The following CBFA2T3 variants were observed in gnomAD, a reference collection of about 807,000 sequenced individuals.
CBFA2T3 encodes transcriptional corepressor CBFA2T3.
CBFA2T3 carries 31 observed loss-of-function variants against 58.6 expected under a neutral mutation model. That is an observed-to-expected ratio of 0.53 (90% CI 0.40 to 0.71). CBFA2T3 has a LOEUF of 0.71. Among genes scored for constraint, CBFA2T3 ranks in the 30% least tolerant of loss-of-function variants. CBFA2T3 has a pLI of 0.00. For synonymous variants in CBFA2T3, 531 were observed against 421.9 expected, an observed-to-expected ratio of 1.26 and a Z score of -3.17; for missense variants, 1,076 against 963.1, an observed-to-expected ratio of 1.12 and a Z score of -1.55.
chr16:88,950,267 C>T, intron 1 of CBFA2T3: 3 of 424,332 alleles, frequency 7.1e-6, no homozygotes, highest in South Asian at 5.1e-5. Context: ...GTCTGTTCAC[C>T]CGTCCCCTGG....
Position 88,911,883 on chromosome 16 carries a change from C to T in CBFA2T3, c.152-10227G>A, listed in dbSNP as rs938142774. ...CTCTGGGGCACAGTGAAGACCCCCC[C>T]TCCTGCCTCGCAGCTGTGTGGGGGA... On this transcript the variant is annotated intron_variant, in intron 1 of 11. Coordinates refer to ENST00000268679, the MANE Select transcript of CBFA2T3 (RefSeq NM_005187.6). 4.6e-5 allele frequency among the ~76,000 whole-genome samples: 7 copies of T among 152,342 alleles called. No individual in the cohort carries two copies. In the Middle Eastern group the frequency reaches 0.01, roughly 222 times the overall value.
intron 1 of CBFA2T3, among the ~76,000 whole-genome samples, chr16:88,973,838 C>T (rs890111113): frequency 1.3e-5 from 2 of 152,140 alleles, no homozygotes; most frequent in Non-Finnish European, 2.9e-5. Flanking sequence ...GCTTCCTGCA[C>T]GGATGGTGCC....
intron 1 of CBFA2T3, among the ~76,000 whole-genome samples, chr16:88,932,309 G>C (rs939351711): frequency 1.3e-5 from 2 of 150,916 alleles, no homozygotes; most frequent in Non-Finnish European, 2.9e-5. Flanking sequence ...CCAGGAAAGA[G>C]GCCGCCCTGG....
chr16:88,889,835 C>A (rs1454718074), intron 5 of CBFA2T3, among the ~76,000 whole-genome samples: 3 of 145,738 alleles, frequency 2.1e-5, no homozygotes, highest in Non-Finnish European at 4.6e-5. Flanking sequence ...GGACGATGCC[C>A]CGCGATTCCT....
At chr16:88,923,851 C>T (rs1048166497) in intron 1 of CBFA2T3, among the ~76,000 whole-genome samples, 5 of 152,370 alleles carry the variant, frequency 3.3e-5, no homozygotes, top group African/African-American at 1.2e-4. Context: ...ACCGTCCTCT[C>T]TCAAAGGTGG....
At chr16:88,951,128 G>A (rs202185012) in intron 1 of CBFA2T3, 6 of 360,190 alleles carry the variant, frequency 1.7e-5, no homozygotes, top group South Asian at 5.6e-5. Context: ...CCTGTCTTCC[G>A]GATCTGTTCA....
intron 1 of CBFA2T3, among the ~76,000 whole-genome samples, chr16:88,973,134 C>T (rs80211567): frequency 0.012 from 1,799 of 152,380 alleles, 45 homozygotes; most frequent in African/African-American, 0.042. Flanking sequence ...CCTCCCACCG[C>T]GCCCCCTTGA....
At chr16:88,920,975 TTC>T (rs1684749784) in intron 1 of CBFA2T3, among the ~76,000 whole-genome samples, 3 of 152,232 alleles carry the variant, frequency 2.0e-5, no homozygotes, top group African/African-American at 7.2e-5. Context: ...AACACATCCT[TTC>T]TCTGAGTTTA....
At chr16:88,937,281 G>T (rs1263895561) in intron 1 of CBFA2T3, 4 of 152,274 alleles carry the variant, frequency 2.6e-5, no homozygotes, top group African/African-American at 9.6e-5. Context: ...CGAGGTGGAC[G>T]AACAGCGTGG....
At chr16:88,893,497 C>T (rs778984889) in intron 3 of CBFA2T3, among the ~76,000 whole-genome samples, 9 of 152,230 alleles carry the variant, frequency 5.9e-5, no homozygotes, top group Non-Finnish European at 1.2e-4. Flanking sequence ...AGCCCCAACG[C>T]CTGCTAATGG....
chr16:88,911,696 C>T (rs574217371), intron 1 of CBFA2T3, among the ~76,000 whole-genome samples: 74 of 152,406 alleles, frequency 4.9e-4, no homozygotes, highest in African/African-American at 1.6e-3. Context: ...AGCGCCTGGC[C>T]GCTCGCCCTG....
At chr16:88,912,142 C>T (rs1202517321) in intron 1 of CBFA2T3, among the ~76,000 whole-genome samples, 2 of 152,264 alleles carry the variant, frequency 1.3e-5, no homozygotes, top group African/African-American at 4.8e-5. Flanking sequence ...AGGCTGGGCC[C>T]ACCCGCGCCT....
intron 1 of CBFA2T3, among the ~76,000 whole-genome samples, chr16:88,964,646 T>A (rs918535591): frequency 1.3e-5 from 2 of 152,214 alleles, no homozygotes; most frequent in African/African-American, 4.8e-5. Flanking sequence ...TATGTGTGTA[T>A]AAGAACTATG....
At chr16:88,878,500 G>A (rs1004349221) in intron 11 of CBFA2T3, among the ~76,000 whole-genome samples, 2 of 152,204 alleles carry the variant, frequency 1.3e-5, no homozygotes, top group Non-Finnish European at 1.5e-5. Context: ...GGTCGCGGAG[G>A]GTCCTCTGCC....
rs375694954 is a variant in CBFA2T3 at position 88,891,047 on chromosome 16, G to A, written c.711+835C>T. 1.2e-4 allele frequency among the ~76,000 whole-genome samples: 18 copies of A among 152,070 alleles called. 2 individuals carry two copies. The highest frequency in any genetic ancestry group is 1.1e-3 in the Admixed American group (17 of 15,274). On this transcript the variant is annotated intron_variant, in intron 5 of 11. Transcript: ENST00000268679. ...AGCCTGCAAAGCTGACAAGCCCCGC[G>A]TGCTGCCACCCTGGTCCACGGTTGA...
In CBFA2T3 at chr16:88,876,164, T is replaced by G; in HGVS notation, c.*812A>C. The G allele has an allele frequency of 4.3e-6, 1 of 232,314 alleles. No individual in the cohort carries two copies. The highest frequency in any genetic ancestry group is 5.6e-5 in the Admixed American group (1 of 17,772). The allele number at this position is 232,314 out of a possible 1,614,324, so 14.4% of individuals were successfully genotyped here. A position where few individuals can be genotyped will look rare whatever the true frequency, so the allele number is the denominator to read the frequency against. On this transcript the variant is annotated 3_prime_UTR_variant, in exon 12 of 12. Coordinates refer to ENST00000268679, the MANE Select transcript of CBFA2T3 (RefSeq NM_005187.6). ...TGTGTTTGCTTTTTTGGATTTCCTT[T>G]GGAGCAGAGGTGTGTCCGGTATCCT...
chr16:88,961,281 A>T (rs1170073755), intron 1 of CBFA2T3, among the ~76,000 whole-genome samples: 4 of 152,182 alleles, frequency 2.6e-5, no homozygotes, highest in African/African-American at 9.7e-5. Flanking sequence ...GAACTGACAC[A>T]CAGCACTGGA....
chr16:88,924,278 G>A (rs1350356956), intron 1 of CBFA2T3, among the ~76,000 whole-genome samples: 1 of 152,216 alleles, frequency 6.6e-6, no homozygotes, highest in Non-Finnish European at 1.5e-5. Flanking sequence ...TGCAACGGCT[G>A]TGCTGACGTG....
In CBFA2T3 at chr16:88,892,395, G is replaced by A; in HGVS notation, c.470C>T (p.Thr157Ile). ...GFSNGPATSS[T>I]ASLSTQHLPP... ...CAGGTGCTGTGTGGACAAGGAGGCT[G>A]TGGACGAGGTGGCCGGGCCATTGCT... Residue 157 changes from threonine to isoleucine, a missense_variant, in exon 4 of 12, where the codon ACA becomes ATA. Coordinates refer to ENST00000268679, the MANE Select transcript of CBFA2T3 (RefSeq NM_005187.6). The A allele has an allele frequency of 6.8e-6, 11 of 1,613,622 alleles. No homozygotes were observed. The highest frequency in any genetic ancestry group is 9.3e-6 in the Non-Finnish European group (11 of 1,180,028).
Sources: gnomAD v4.1 joint callset for allele counts (sites outside exome capture counted in the v4.1 genomes callset) on GRCh38, gnomAD v4.1.1 for gene constraint, MANE v1.5 for transcripts, NCBI Gene and HGNC (gene_info 2026-07-23, HGNC 2026-07-21) for gene names.